Variants in TPP2 observed in about 807,000 individuals in gnomAD.
The protein encoded by TPP2 is tripeptidyl peptidase 2.
In TPP2, 34 loss-of-function variants were observed where a neutral mutation model predicts 155.9. That is an observed-to-expected ratio of 0.22 (90% CI 0.17 to 0.29). The LOEUF is 0.29. Ranked by LOEUF, TPP2 falls within the 10% of genes least tolerant of loss-of-function variation. The pLI, the probability that TPP2 is intolerant of heterozygous loss-of-function variation, is 1.00. For synonymous variants in TPP2, 510 were observed against 529.4 expected, an observed-to-expected ratio of 0.96 and a Z score of 0.50; for missense variants, 1,028 against 1,522.3, an observed-to-expected ratio of 0.68 and a Z score of 5.40.
At chr13:102,639,535 G>A (rs1468789546) in intron 15 of TPP2, among the ~76,000 whole-genome samples, 3 of 152,084 alleles carry the variant, frequency 2.0e-5, no homozygotes, top group African/African-American at 2.4e-5. Flanking sequence ...CCCAGGCTCC[G>A]TAACTCTTCT....
chr13:102,640,559 A>G (rs1941863674), intron 16 of TPP2, among the ~76,000 whole-genome samples, 183 bp downstream of exon 16: 1 of 151,892 alleles, frequency 6.6e-6, no homozygotes, highest in Non-Finnish European at 1.5e-5. Flanking sequence ...GCATTGGCCC[A>G]TACAGGAAAT....
chr13:102,640,429 A>G (rs1233155525), intron 16 of TPP2, 53 bp downstream of exon 16: 9 of 1,409,770 alleles, frequency 6.4e-6, no homozygotes, highest in African/African-American at 1.4e-5. Context: ...CGTTCTAATG[A>G]CTATAGCTGT....
chr13:102,634,066 A>G lies in TPP2; in HGVS notation c.1361A>G (p.Asn454Ser), dbSNP rs752108166. ...AATGGAACATCTATGTCTTCCCCCA[A>G]TGCATGTGGAGGCATTGCCCTGATC... The part of the protein sequence containing the change: ...LMNGTSMSSP[N>S]ACGGIALILS... The change falls in exon 11 of 30, where the codon AAT becomes AGT. Residue 454 changes from asparagine (N) to serine (S), a missense_variant. Physicochemically the swap from Asn to Ser is conservative, Grantham distance 46. This residue lies in a region of TPP2 where 63 missense variants were observed against 165.7 expected (regional missense o/e 0.38). Transcript: ENST00000376052. 6.2e-6 allele frequency: 10 copies of G among 1,613,868 alleles called. No individual in the cohort carries two copies. The highest frequency in any genetic ancestry group is 8.5e-6 in the Non-Finnish European group (10 of 1,179,936).
chr13:102,611,581 A>G (rs1273007165), intron 2 of TPP2, among the ~76,000 whole-genome samples: 1 of 152,218 alleles, frequency 6.6e-6, no homozygotes, highest in South Asian at 2.1e-4. Flanking sequence ...AGGCTGAGAC[A>G]GGAGAACACA....
In TPP2 at chr13:102,664,758, T is replaced by TA. The variant is rs779992614; in HGVS notation, c.3241-36dup. The TA allele has an allele frequency of 8.1e-6, 13 of 1,597,440 alleles. No individual in the cohort carries two copies. In the South Asian group the frequency reaches 1.3e-4, roughly 16 times the overall value. Reference sequence around the variant, plus strand: ...GAAATTGCTTTCGTATACTGATTGATATACCTATTTTTTATTATTTCTTTT... The same window carrying TA: ...GAAATTGCTTTCGTATACTGATTGATAATACCTATTTTTTATTATTTCTTTT... On this transcript the variant is annotated intron_variant, in intron 26 of 29. Coordinates refer to ENST00000376052, the MANE Select transcript of TPP2 (RefSeq NM_001330588.2).
chr13:102,608,719 C>T (rs1424264752), intron 2 of TPP2, among the ~76,000 whole-genome samples: 3 of 151,966 alleles, frequency 2.0e-5, no homozygotes, highest in Non-Finnish European at 4.4e-5. Context: ...CCCTCCCCTT[C>T]CTCCTGTTCT....
At chr13:102,629,279 C>T (rs1201985373) in intron 8 of TPP2, among the ~76,000 whole-genome samples, 1 of 152,092 alleles carries the variant, frequency 6.6e-6, no homozygotes, top group East Asian at 1.9e-4. Flanking sequence ...CTAGCACTTT[C>T]CCCACGTTTA....
intron 14 of TPP2, 132 bp downstream of exon 14, chr13:102,637,371 T>G (rs1365741056): frequency 1.3e-5 from 12 of 939,880 alleles, no homozygotes. Flanking sequence ...TCTGCCAGGT[T>G]ATTCAGTTCT....
chr13:102,668,596 AC>A (rs1884761815), intron 27 of TPP2, among the ~76,000 whole-genome samples: 1 of 152,084 alleles, frequency 6.6e-6, no homozygotes, highest in South Asian at 2.1e-4. Flanking sequence ...AGGGTATGTT[AC>A]CCCCTTCCAG....
intron 6 of TPP2, 93 bp downstream of exon 6, chr13:102,623,133 T>A (rs1268520004): frequency 1.5e-6 from 2 of 1,356,682 alleles, no homozygotes; most frequent in African/African-American, 1.5e-5. Flanking sequence ...TAGAGAATTT[T>A]AAGCTAGAGA....
rs927519073 is a variant in TPP2 at position 102,637,215 on chromosome 13, A to G, written c.1812A>G (p.Leu604=). The change falls in exon 14 of 30, where the codon TTA becomes TTG. Residue 604 remains leucine (L), a synonymous_variant. Transcript: ENST00000376052. ...HINIRVDPRG[L]REGLHYTEVC... is the part of the protein sequence containing the mutation. Reference sequence around the variant, plus strand: ...ACATACGTGTGGATCCCAGGGGCTTAAGAGAAGGATTGCATTATACAGAGG... The same window carrying G: ...ACATACGTGTGGATCCCAGGGGCTTGAGAGAAGGATTGCATTATACAGAGG... 16 of 1,606,018 alleles carry G rather than the reference A, an allele frequency of 1.0e-5. No homozygotes were observed. The highest frequency in any genetic ancestry group is 1.3e-5 in the Non-Finnish European group (15 of 1,178,808).
intron 1 of TPP2, among the ~76,000 whole-genome samples, chr13:102,601,399 T>G (rs1879419376): frequency 6.6e-6 from 1 of 152,230 alleles, no homozygotes; most frequent in Admixed American, 6.5e-5. Context: ...CTACCTTTTG[T>G]TCTGGTCCTC....
At chr13:102,656,966 C>T (rs999144969) in intron 24 of TPP2, 90 bp from the exon 25 acceptor site, 1 of 1,348,662 alleles carries the variant, frequency 7.4e-7, no homozygotes, top group Non-Finnish European at 1.0e-6. Flanking sequence ...TAGGTGCAGC[C>T]CATGTTACAT....
rs1882989336 is a variant in TPP2, at chr13:102,644,726, G to C, written c.2292+53G>C. The C allele has an allele frequency of 2.7e-6, 4 of 1,474,404 alleles. No individual in the cohort carries two copies. In the South Asian group the frequency reaches 3.7e-5, roughly 14 times the overall value. 91.3% of individuals were successfully genotyped at this position (1,474,404 alleles called of 1,614,324 possible). A position where few individuals can be genotyped will look rare whatever the true frequency, so the allele number is the denominator to read the frequency against. On this transcript the variant is annotated intron_variant, in intron 18 of 29. Coordinates refer to ENST00000376052, the MANE Select transcript of TPP2 (RefSeq NM_001330588.2). ...TTAATGTCAGTTACTTGTGTTACTG[G>C]AGAGTAACTTCATTGGTTAGATTTA...
chr13:102,630,109 T>A lies in TPP2; in HGVS notation c.1158T>A (p.Tyr386Ter). 6.2e-7 allele frequency: 1 copy of A among 1,613,292 alleles called. No individual in the cohort carries two copies. Among genetic ancestry groups the A allele is most frequent in the Non-Finnish European group, 8.5e-7 (1 of 1,179,766 alleles). ...TCCATCCCACAGGTGTTGGTGCTTA[T>A]GTTTCTCCTGATATGATGGTTGCTG... The part of the protein sequence containing the change: ...TTSSVIGVGA[Y>*]VSPDMMVAEY... The change falls in exon 10 of 30, where the codon TAT becomes TAA. Residue 386 changes from tyrosine to a stop codon, truncating the protein, a stop_gained. Transcript: ENST00000376052. LOFTEE classifies it high-confidence loss of function.
chr13:102,677,696 A>G (rs991071126), intron 29 of TPP2, among the ~76,000 whole-genome samples: 2 of 152,242 alleles, frequency 1.3e-5, no homozygotes, highest in African/African-American at 4.8e-5. Flanking sequence ...TATCACCTCC[A>G]TAGAGATCCT....
chr13:102,678,884 G>C lies in TPP2; in HGVS notation c.*568G>C, dbSNP rs933021535. On this transcript the variant is annotated 3_prime_UTR_variant, in exon 30 of 30. Coordinates refer to ENST00000376052, the MANE Select transcript of TPP2 (RefSeq NM_001330588.2). ...GCACAAATGAGTGGCAGTTGCTGGA[G>C]CATAACTGCTTCAATAAATCTTCAT... is the stretch of plus-strand genomic sequence containing the variant. The C allele has an allele frequency of 3.3e-5, 5 of 150,204 alleles. No individual in the cohort carries two copies. The highest frequency in any genetic ancestry group is 9.9e-5 in the African/African-American group (4 of 40,542). The allele number at this position is 150,204 out of a possible 1,614,324, so 9.3% of individuals were successfully genotyped here.
intron 1 of TPP2, among the ~76,000 whole-genome samples, chr13:102,600,082 A>G (rs1337191342): frequency 1.3e-5 from 2 of 151,888 alleles, no homozygotes; most frequent in Non-Finnish European, 2.9e-5. Flanking sequence ...AAAAAAATTG[A>G]ATGGTATATA....
chr13:102,614,872 C>G (rs570232327), intron 3 of TPP2, among the ~76,000 whole-genome samples: 45 of 151,204 alleles, frequency 3.0e-4, no homozygotes, highest in African/African-American at 1.1e-3. Context: ...TTTAGTGTGA[C>G]TGACGAATTG....
Sources: gnomAD v4.1 joint callset for allele counts (sites outside exome capture counted in the v4.1 genomes callset) on GRCh38, gnomAD v4.1.1 for gene constraint, gnomAD v4.1.1 regional missense constraint, MANE v1.5 for transcripts, NCBI Gene and HGNC (gene_info 2026-07-23, HGNC 2026-07-21) for gene names.